The following ANO4 variants were observed in gnomAD, a reference collection of about 807,000 sequenced individuals.
The protein encoded by ANO4 is anoctamin-4.
A neutral mutation model predicts 141.9 loss-of-function variants in ANO4; 69 were observed. The observed-to-expected ratio is 0.49, with a 90% CI of 0.40 to 0.59. The LOEUF (loss-of-function observed/expected upper bound fraction) is 0.59. ANO4 is among the 20% of genes least tolerant of loss of function. ANO4 has a pLI of 0.00. For missense variants in ANO4, 894 were observed against 1,162.2 expected, an observed-to-expected ratio of 0.77 and a Z score of 3.36; for synonymous variants, 350 against 394.3, an observed-to-expected ratio of 0.89 and a Z score of 1.33.
At chr12:100,950,681 G>A (rs781331111) in intron 5 of ANO4, among the ~76,000 whole-genome samples, 1 of 152,190 alleles carries the variant, frequency 6.6e-6, no homozygotes, top group African/African-American at 2.4e-5. Context: ...TAATCAGCAG[G>A]TGCAGCACAG....
chr12:100,901,016 G>A (rs1593691475), intron 1 of ANO4, among the ~76,000 whole-genome samples: 1 of 152,176 alleles, frequency 6.6e-6, no homozygotes, highest in Non-Finnish European at 1.5e-5. Context: ...ATAGGCTGAT[G>A]TAATCAATTC....
intron 1 of ANO4, among the ~76,000 whole-genome samples, chr12:100,858,896 G>A (rs534615727): frequency 6.6e-6 from 1 of 152,224 alleles, no homozygotes; most frequent in African/African-American, 2.4e-5. Context: ...GATTCCCACA[G>A]TTGCCAAATA....
At chr12:100,862,879 G>A (rs534979466) in intron 1 of ANO4, among the ~76,000 whole-genome samples, 25 of 152,262 alleles carry the variant, frequency 1.6e-4, no homozygotes, top group Middle Eastern at 6.8e-3. Flanking sequence ...GACTGTATAC[G>A]GTAAGTCAGG....
chr12:100,780,174 G>A (rs1450692570), intron 3 of ANO4, among the ~76,000 whole-genome samples: 1 of 151,848 alleles, frequency 6.6e-6, no homozygotes, highest in Non-Finnish European at 1.5e-5. Flanking sequence ...ATGATACCAC[G>A]CCTAGCTAAT....
intron 1 of ANO4, among the ~76,000 whole-genome samples, chr12:100,819,899 A>T (rs954550562): frequency 2.6e-5 from 4 of 151,882 alleles, no homozygotes; most frequent in African/African-American, 9.7e-5. Context: ...CACTTGAATC[A>T]CCATGAATGG....
chr12:100,948,176 AAAGTT>A (rs1370479677), intron 5 of ANO4, among the ~76,000 whole-genome samples: 10 of 139,222 alleles, frequency 7.2e-5, no homozygotes, highest in African/African-American at 2.6e-4. Context: ...AAAAAAAAAA[AAAGTT>A]AGGAGACAGG....
chr12:100,821,024 C>A (rs1271510932), intron 1 of ANO4, among the ~76,000 whole-genome samples: 3 of 152,016 alleles, frequency 2.0e-5, no homozygotes, highest in Non-Finnish European at 2.9e-5. Flanking sequence ...ATGCCATGGC[C>A]AGCACACTTT....
At chr12:100,969,615 A>G (rs966272987) in intron 5 of ANO4, among the ~76,000 whole-genome samples, 1 of 152,190 alleles carries the variant, frequency 6.6e-6, no homozygotes, top group African/African-American at 2.4e-5. Context: ...TTTGAAAACA[A>G]TTTCCCGGAG....
intron 1 of ANO4, among the ~76,000 whole-genome samples, chr12:100,852,991 G>T (rs950918829): frequency 6.6e-6 from 1 of 152,142 alleles, no homozygotes; most frequent in African/African-American, 2.4e-5. Flanking sequence ...CATTCATGTG[G>T]TGTGTATGTA....
intron 3 of ANO4, among the ~76,000 whole-genome samples, chr12:100,748,294 C>T (rs182603526): frequency 1.8e-3 from 268 of 152,264 alleles, no homozygotes; most frequent in African/African-American, 6.2e-3. Flanking sequence ...GATAGAGTGC[C>T]GCAGACAGTG....
chr12:101,083,949 T>C (rs941595774), intron 16 of ANO4, 131 bp downstream of exon 16: 2 of 873,036 alleles, frequency 2.3e-6, no homozygotes, highest in Non-Finnish European at 3.3e-6. Flanking sequence ...TCACAGTAAC[T>C]TCGTCTGGTG....
chr12:100,873,255 T>C (rs1393083729), intron 1 of ANO4, among the ~76,000 whole-genome samples: 1 of 152,050 alleles, frequency 6.6e-6, no homozygotes, highest in Non-Finnish European at 1.5e-5. Flanking sequence ...TACCTGAAAA[T>C]GTGGAAGTGC....
chr12:101,003,197 A>C (rs2045725787), intron 8 of ANO4, among the ~76,000 whole-genome samples: 1 of 152,256 alleles, frequency 6.6e-6, no homozygotes, highest in Non-Finnish European at 1.5e-5. Flanking sequence ...AGTGGCCTGC[A>C]CAAAGGTTTA....
chr12:100,763,240 A>G (rs2032949995), intron 3 of ANO4, among the ~76,000 whole-genome samples: 1 of 152,168 alleles, frequency 6.6e-6, no homozygotes, highest in African/African-American at 2.4e-5. Flanking sequence ...CCATATGGCC[A>G]CAAGGGTCTG....
intron 1 of ANO4, among the ~76,000 whole-genome samples, chr12:100,901,268 G>A (rs1377681383): frequency 2.0e-5 from 3 of 152,216 alleles, no homozygotes; most frequent in Admixed American, 6.5e-5. Flanking sequence ...GTTATCAAGA[G>A]TGTAAATGTG....
At chr12:100,820,971 G>A (rs933384113) in intron 1 of ANO4, among the ~76,000 whole-genome samples, 1 of 152,008 alleles carries the variant, frequency 6.6e-6, no homozygotes, top group Non-Finnish European at 1.5e-5. Flanking sequence ...CAGCATTATA[G>A]CTAGTTGTTG....
At chr12:100,952,712 G>C (rs555661317) in intron 5 of ANO4, among the ~76,000 whole-genome samples, 1 of 152,272 alleles carries the variant, frequency 6.6e-6, no homozygotes, top group Admixed American at 6.5e-5. Context: ...GATGGTTTGA[G>C]AGAAGGTGTT....
intron 8 of ANO4, among the ~76,000 whole-genome samples, chr12:100,995,422 C>A (rs772793646): frequency 3.9e-5 from 6 of 152,168 alleles, no homozygotes; most frequent in Non-Finnish European, 7.3e-5. Context: ...GGAGCCTGAT[C>A]CTGTAAGGCC....
chr12:101,105,435 G>A (rs2050401933), intron 22 of ANO4, among the ~76,000 whole-genome samples: 1 of 152,176 alleles, frequency 6.6e-6, no homozygotes, highest in Admixed American at 6.5e-5. Flanking sequence ...TTAAAATATA[G>A]CCATTTAAAA....
Sources: gnomAD v4.1 joint callset for allele counts (sites outside exome capture counted in the v4.1 genomes callset) on GRCh38, gnomAD v4.1.1 for gene constraint, MANE v1.5 for transcripts, NCBI Gene and HGNC (gene_info 2026-07-23, HGNC 2026-07-21) for gene names.